HRH1: variants seen among roughly 807,000 people sequenced by gnomAD.
HRH1 encodes histamine H1 receptor.
HRH1 carries 6 observed loss-of-function variants against 10.3 expected under a neutral mutation model. The observed-to-expected ratio is 0.58, with a 90% confidence interval of 0.32 to 1.15. HRH1 has a LOEUF of 1.15. Ranked by LOEUF, HRH1 falls within the 50% of genes most tolerant of loss-of-function variation. The pLI is 0.05. For synonymous variants in HRH1, 242 were observed against 236.7 expected, an observed-to-expected ratio of 1.02 and a Z score of -0.21; for missense variants, 514 against 615.3, an observed-to-expected ratio of 0.84 and a Z score of 1.74.
intron 1 of HRH1, among the ~76,000 whole-genome samples, chr3:11,164,376 T>C (rs1936990572): frequency 6.6e-6 from 1 of 152,176 alleles, no homozygotes; most frequent in Non-Finnish European, 1.5e-5. Context: ...GTGTTGCTTC[T>C]TTCATTTAAA....
At chr3:11,149,758 A>G (rs932674282), upstream of HRH1, among the ~76,000 whole-genome samples, 1 of 152,288 alleles carries the variant, frequency 6.6e-6, no homozygotes, top group Non-Finnish European at 1.5e-5. Context: ...CTGAGCCATT[A>G]CATGTTCTCC....
chr3:11,211,703 A>G (rs147596547), intron 1 of HRH1, among the ~76,000 whole-genome samples: 32 of 152,306 alleles, frequency 2.1e-4, no homozygotes, highest in African/African-American at 6.3e-4. Context: ...AAGGACTGGG[A>G]TTTCAAGATT....
At chr3:11,153,816 A>G (rs559785144), upstream of HRH1, among the ~76,000 whole-genome samples, 1 of 152,098 alleles carries the variant, frequency 6.6e-6, no homozygotes, top group South Asian at 2.1e-4. Flanking sequence ...ATTAAAACAC[A>G]TCCTATTTTG....
At chr3:11,245,260 G>T (rs944712203) in intron 1 of HRH1, among the ~76,000 whole-genome samples, 1 of 152,072 alleles carries the variant, frequency 6.6e-6, no homozygotes, top group Admixed American at 6.6e-5. Context: ...GGCCGAGGCA[G>T]GGGAATCACT....
rs1282654069 is a variant in HRH1 at position 11,257,662 on chromosome 3, GT to G, written c.-35-1337del. Reference sequence around the variant, plus strand: ...TCACCAATAACAGAGGATACAGTCCGTTTTCAGTAGAGCCTTAGTAGCAAAG... The same window carrying G: ...TCACCAATAACAGAGGATACAGTCCGTTTCAGTAGAGCCTTAGTAGCAAAG... On this transcript the variant is annotated intron_variant, in intron 1 of 1. Transcript: ENST00000431010. Among the ~76,000 whole-genome samples, 11 of 152,040 alleles carry G rather than the reference GT, an allele frequency of 7.2e-5. 1 individual carries two copies. The highest frequency in any genetic ancestry group is 1.2e-4 in the Non-Finnish European group (8 of 68,022).
chr3:11,250,081 C>T (rs867255814), intron 1 of HRH1, among the ~76,000 whole-genome samples: 4 of 139,086 alleles, frequency 2.9e-5, no homozygotes, highest in African/African-American at 5.5e-5. Context: ...CTCGCTCTGC[C>T]GCCCAGGCTG....
intron 1 of HRH1, among the ~76,000 whole-genome samples, chr3:11,219,960 T>TTG (rs1559276291): frequency 6.6e-6 from 1 of 150,714 alleles, no homozygotes; most frequent in East Asian, 1.9e-4. Flanking sequence ...GTTTTTTTTT[T>TTG]TTTTTTTTTT....
chr3:11,198,868 A>C (rs994729522), intron 1 of HRH1, among the ~76,000 whole-genome samples: 1 of 151,502 alleles, frequency 6.6e-6, no homozygotes, highest in African/African-American at 2.4e-5. Context: ...TGAACCCCAC[A>C]CCACCCTGTG....
At chr3:11,161,440 G>A (rs1936920411) in intron 1 of HRH1, among the ~76,000 whole-genome samples, 1 of 152,170 alleles carries the variant, frequency 6.6e-6, no homozygotes, top group Non-Finnish European at 1.5e-5. Context: ...CTCGGCCCAG[G>A]TGAGGCACAA....
chr3:11,157,645 A>G (rs7640217), intron 1 of HRH1, among the ~76,000 whole-genome samples: 20,718 of 152,212 alleles, frequency 0.14, 1,734 homozygotes, highest in East Asian at 0.38. Flanking sequence ...TCTTTTATGC[A>G]TTCGTCCTCA....
At chr3:11,174,494 G>A (rs1478363227) in intron 1 of HRH1, among the ~76,000 whole-genome samples, 1 of 152,216 alleles carries the variant, frequency 6.6e-6, no homozygotes, top group Non-Finnish European at 1.5e-5. Flanking sequence ...GGGGGCAGGA[G>A]ATGATGCCTA....
intron 1 of HRH1, among the ~76,000 whole-genome samples, chr3:11,194,612 G>A (rs995631765): frequency 1.8e-4 from 28 of 152,190 alleles, no homozygotes; most frequent in Admixed American, 1.4e-3. Flanking sequence ...TCAGGAGTTC[G>A]AGACCACCCT....
intron 1 of HRH1, among the ~76,000 whole-genome samples, chr3:11,181,119 C>T (rs1203636426): frequency 1.3e-5 from 2 of 151,926 alleles, no homozygotes; most frequent in Admixed American, 1.3e-4. Context: ...CCCATCTGTA[C>T]AAAAAGTACA....
intron 1 of HRH1, among the ~76,000 whole-genome samples, chr3:11,250,208 A>ATTTTTTTTTTTTTTTT (rs71055857): frequency 3.7e-5 from 4 of 106,910 alleles, no homozygotes; most frequent in African/African-American, 1.1e-4. Context: ...CACCCGGCTA[A>ATTTTTTTTTTTTTTTT]TTTTTTTTTT....
At chr3:11,162,846 T>C (rs1363695104) in intron 1 of HRH1, among the ~76,000 whole-genome samples, 1 of 152,178 alleles carries the variant, frequency 6.6e-6, no homozygotes, top group African/African-American at 2.4e-5. Context: ...GTGGTTATTC[T>C]TGGGTTTTGT....
chr3:11,166,789 G>GCA (rs1937045273), intron 1 of HRH1, among the ~76,000 whole-genome samples: 1 of 142,140 alleles, frequency 7.0e-6, no homozygotes, highest in African/African-American at 2.6e-5. Flanking sequence ...CCAGGCCCAT[G>GCA]ACATCTCCTG....
At chr3:11,171,813 T>G (rs1403793719) in intron 1 of HRH1, among the ~76,000 whole-genome samples, 1 of 152,248 alleles carries the variant, frequency 6.6e-6, no homozygotes, top group Non-Finnish European at 1.5e-5. Context: ...CTTGGTGACA[T>G]GTGTTCCTAC....
intron 1 of HRH1, among the ~76,000 whole-genome samples, chr3:11,169,733 ATC>A (rs1937116817): frequency 6.6e-6 from 1 of 152,168 alleles, no homozygotes; most frequent in Non-Finnish European, 1.5e-5. Context: ...TCCCATCTCC[ATC>A]AAGACGAAGC....
At chr3:11,238,672 TC>T (rs1404261530) in intron 1 of HRH1, among the ~76,000 whole-genome samples, 1 of 152,224 alleles carries the variant, frequency 6.6e-6, no homozygotes, top group African/African-American at 2.4e-5. Flanking sequence ...TTCTGTTTTT[TC>T]CAAAAGATCC....
Sources: gnomAD v4.1 joint callset for allele counts (sites outside exome capture counted in the v4.1 genomes callset) on GRCh38, gnomAD v4.1.1 for gene constraint, MANE v1.5 for transcripts, NCBI Gene and HGNC (gene_info 2026-07-23, HGNC 2026-07-21) for gene names.